ZNF710: variants seen among roughly 807,000 people sequenced by gnomAD.
ZNF710 encodes the protein zinc finger protein 710.
Under a neutral mutation model 50.6 loss-of-function variants are expected in ZNF710, and 13 were observed. The ratio of observed to expected loss-of-function variants is 0.26; its 90% CI spans 0.17 to 0.41. The LOEUF is 0.41. ZNF710 is among the 10% of genes least tolerant of loss of function. The pLI is 1.00. For missense variants in ZNF710, 721 were observed against 936.6 expected (o/e 0.77, Z 3.01); for synonymous variants, 383 against 397.0 (o/e 0.96, Z 0.42).
At chr15:90,076,886 T>A (rs1451338797) in intron 4 of ZNF710, among the ~76,000 whole-genome samples, 1 of 151,964 alleles carries the variant, frequency 6.6e-6, no homozygotes, top group African/African-American at 2.4e-5. Context: ...AGGCACAACC[T>A]CTTTCTATAT....
chr15:90,079,036 A>G (rs1247531408), intron 4 of ZNF710, among the ~76,000 whole-genome samples: 1 of 152,208 alleles, frequency 6.6e-6, no homozygotes, highest in African/African-American at 2.4e-5. Flanking sequence ...AGGCCCAAGG[A>G]TACCAATGGC....
At chr15:90,052,561 C>G (rs1358456878) in intron 1 of ZNF710, among the ~76,000 whole-genome samples, 1 of 152,210 alleles carries the variant, frequency 6.6e-6, no homozygotes, top group Non-Finnish European at 1.5e-5. Flanking sequence ...GCCTTTATCT[C>G]TTACTGGCTC....
intron 1 of ZNF710, among the ~76,000 whole-genome samples, chr15:90,039,173 G>A (rs565668195): frequency 6.6e-6 from 1 of 152,122 alleles, no homozygotes; most frequent in Admixed American, 6.5e-5. Flanking sequence ...CAGCTACTCG[G>A]GAGGCTGAGG....
intron 1 of ZNF710, among the ~76,000 whole-genome samples, chr15:90,006,396 A>T (rs1486991337): frequency 6.6e-6 from 1 of 152,202 alleles, no homozygotes; most frequent in Non-Finnish European, 1.5e-5. Flanking sequence ...CTGCTCCAGG[A>T]TGCTGGCCCA....
Position 90,059,326 on chromosome 15 carries a change from A to C in ZNF710, c.-28-7784A>C, listed in dbSNP as rs1899929679. ...CAGCAAATGAAGGCATGGGCAGTGC[A>C]TCCCGCCTACCAAAAGGCTGTGGGG... is the stretch of plus-strand genomic sequence containing the variant. On this transcript the variant is annotated intron_variant, in intron 1 of 4. Transcript: ENST00000268154. The surrounding 1 kb of genome is among the most constrained non-coding windows in gnomAD (Gnocchi z 4.1). 6.6e-6 allele frequency among the ~76,000 whole-genome samples: 1 copy of C among 152,234 alleles called. No individual in the cohort carries two copies. The highest frequency in any genetic ancestry group is 6.5e-5 in the Admixed American group (1 of 15,284).
At chr15:90,004,538 C>G (rs1421194171) in intron 1 of ZNF710, among the ~76,000 whole-genome samples, 1 of 152,158 alleles carries the variant, frequency 6.6e-6, no homozygotes, top group Non-Finnish European at 1.5e-5. Context: ...ATGTGCTGGG[C>G]CTGCTGTTAA....
At chr15:90,038,956 AT>A (rs777002997) in intron 1 of ZNF710, among the ~76,000 whole-genome samples, 21 of 152,274 alleles carry the variant, frequency 1.4e-4, no homozygotes, top group Non-Finnish European at 2.9e-4. Flanking sequence ...AGAAAAAGCA[AT>A]GGCTTTGGTA....
chr15:90,024,653 C>T (rs973063252), intron 1 of ZNF710, among the ~76,000 whole-genome samples: 1 of 152,228 alleles, frequency 6.6e-6, no homozygotes, highest in African/African-American at 2.4e-5. Flanking sequence ...GGCTTCCTTG[C>T]CATGCCCCCT....
At chr15:90,017,588 A>T (rs756036671) in intron 1 of ZNF710, among the ~76,000 whole-genome samples, 1 of 151,936 alleles carries the variant, frequency 6.6e-6, no homozygotes, top group Non-Finnish European at 1.5e-5. Flanking sequence ...CTGAGCTGGC[A>T]TGTCCAACAT....
At chr15:90,060,102 A>AC (rs1899960516) in intron 1 of ZNF710, among the ~76,000 whole-genome samples, 1 of 55,286 alleles carries the variant, frequency 1.8e-5, no homozygotes, top group Non-Finnish European at 3.8e-5. Flanking sequence ...TCCCCACCCC[A>AC]CCCCACCCCC....
Position 90,067,499 on chromosome 15 carries a change from T to C in ZNF710, c.362T>C (p.Val121Ala). Reference protein sequence around the residue: ...FEKVEEEEQEVYEVSVPGDDK... With the variant: ...FEKVEEEEQEAYEVSVPGDDK... ...AAGGTGGAGGAGGAGGAACAGGAGG[T>C]CTATGAGGTTTCTGTGCCAGGTGAC... The change falls in exon 2 of 5, where the codon GTC becomes GCC. Residue 121 changes from valine to alanine, a missense_variant. By Grantham distance (64) the Val-to-Ala change is moderately conservative (BLOSUM62 0). Around this residue, in one of 3 missense-constraint regions of ZNF710, gnomAD observed 326 missense variants for 347.1 expected, o/e 0.94. Transcript: ENST00000268154. The surrounding 1 kb of genome is among the most constrained non-coding windows in gnomAD (Gnocchi z 8.1). 1.2e-6 allele frequency: 2 copies of C among 1,613,134 alleles called. No homozygotes were observed. Among genetic ancestry groups the C allele is most frequent in the Non-Finnish European group, 1.7e-6 (2 of 1,179,612 alleles).
intron 1 of ZNF710, among the ~76,000 whole-genome samples, chr15:90,018,600 C>T (rs1235323418): frequency 5.3e-5 from 8 of 152,200 alleles, no homozygotes; most frequent in African/African-American, 1.9e-4. Context: ...TTGCCCTTTC[C>T]GTAAACCAGG....
intron 1 of ZNF710, among the ~76,000 whole-genome samples, chr15:90,060,508 G>T (rs1010031448): frequency 6.6e-6 from 1 of 151,204 alleles, no homozygotes; most frequent in Non-Finnish European, 1.5e-5. Context: ...GAGCTATGAT[G>T]GCACCACTGC....
chr15:90,046,598 A>C (rs986897797), intron 1 of ZNF710, among the ~76,000 whole-genome samples: 4 of 152,102 alleles, frequency 2.6e-5, no homozygotes, highest in African/African-American at 9.7e-5. Flanking sequence ...ACTCATCAGT[A>C]GTGACCAGAC....
At chr15:90,050,754 G>C (rs961120343) in intron 1 of ZNF710, among the ~76,000 whole-genome samples, 1 of 151,332 alleles carries the variant, frequency 6.6e-6, no homozygotes, top group Non-Finnish European at 1.5e-5. Context: ...GAACATTCCT[G>C]ATACCTTAAG....
intron 1 of ZNF710, among the ~76,000 whole-genome samples, chr15:90,005,340 C>T (rs1407239997): frequency 6.6e-6 from 1 of 152,154 alleles, no homozygotes; most frequent in Non-Finnish European, 1.5e-5. Context: ...TGAGTCATTG[C>T]TTCAAACAAG....
intron 3 of ZNF710, 32 bp from the exon 4 acceptor site, chr15:90,074,084 C>T: frequency 6.3e-7 from 1 of 1,581,532 alleles, no homozygotes; most frequent in Non-Finnish European, 8.6e-7. Flanking sequence ...AGGTTCCCCA[C>T]AGGCTCAGGA....
rs954747050 is a variant in ZNF710 at position 90,067,558 on chromosome 15, G to A, written c.421G>A (p.Glu141Lys). The part of the protein sequence containing the change: ...KDAGPAEAPA[E>K]AASGGCDALV... Reference sequence around the variant, plus strand: ...CGCAGGGCCAGCAGAAGCCCCCGCCGAGGCGGCCAGTGGCGGCTGCGACGC... The same window carrying A: ...CGCAGGGCCAGCAGAAGCCCCCGCCAAGGCGGCCAGTGGCGGCTGCGACGC... Residue 141 changes from glutamate (E) to lysine (K), a missense_variant, in exon 2 of 5, where the codon GAG (glutamate) becomes AAG (lysine). Physicochemically the swap from Glu to Lys is moderately conservative, Grantham distance 56 (BLOSUM62 1). Transcript: ENST00000268154. This position sits in a 1 kb window ranked among gnomAD's most constrained non-coding sequence, Gnocchi z 8.1. 13 of 1,612,588 alleles carry A rather than the reference G, an allele frequency of 8.1e-6. No homozygotes were observed. Among genetic ancestry groups the A allele is most frequent in the African/African-American group, 5.3e-5 (4 of 74,930 alleles).
chr15:90,005,459 TC>T (rs1898116566), intron 1 of ZNF710, among the ~76,000 whole-genome samples: 1 of 152,246 alleles, frequency 6.6e-6, no homozygotes, highest in South Asian at 2.1e-4. Context: ...ATTTTTTTTT[TC>T]TTTTTTTGAG....
Sources: allele counts gnomAD v4.1 joint callset (sites outside exome capture counted in the v4.1 genomes callset), GRCh38; gene constraint gnomAD v4.1.1; regional missense constraint gnomAD v4.1.1; non-coding constraint Gnocchi (gnomAD v3.1); transcripts MANE v1.5; gene names NCBI Gene and HGNC (gene_info 2026-07-23, HGNC 2026-07-21).